PLXNB2: variants seen among roughly 807,000 people sequenced by gnomAD.
PLXNB2 encodes plexin B2, also known as plexin-B2.
PLXNB2 carries 85 observed loss-of-function variants against 202.6 expected under a neutral mutation model. That is an observed-to-expected ratio of 0.42 (90% CI 0.35 to 0.50). The LOEUF (loss-of-function observed/expected upper bound fraction) is 0.50, where lower values mean the gene tolerates loss of function less well. PLXNB2 is among the 20% of genes least tolerant of loss of function. The pLI is 0.02. For missense variants in PLXNB2, 2,063 were observed against 2,586.2 expected (o/e 0.80, Z 4.39); for synonymous variants, 1,239 against 1,137.6 (o/e 1.09, Z -1.79).
chr22:50,306,585 GC>G (rs2067889254), intron 1 of PLXNB2, among the ~76,000 whole-genome samples: 1 of 141,686 alleles, frequency 7.1e-6, no homozygotes. Context: ...CCAAGCAAGG[GC>G]CGAAGTCAGA....
chr22:50,279,544 G>T (rs1173080367), intron 27 of PLXNB2, 86 bp downstream of exon 27: 44 of 1,332,592 alleles, frequency 3.3e-5, no homozygotes, highest in South Asian at 2.2e-4. Context: ...CCTCTGGCCT[G>T]TGGGTCCCAT....
rs1343879991 is a variant in PLXNB2 at position 50,289,430 on chromosome 22, T to TG, written c.1068+86dup. The TG allele has an allele frequency of 6.9e-7, 1 of 1,456,478 alleles. No homozygotes were observed. Among genetic ancestry groups the TG allele is most frequent in the East Asian group, 2.5e-5 (1 of 40,266 alleles). 90.2% of individuals were successfully genotyped at this position (1,456,478 alleles called of 1,614,324 possible). A position where few individuals can be genotyped will look rare whatever the true frequency, so the allele number is the denominator to read the frequency against. On this transcript the variant is annotated intron_variant, in intron 3 of 36. Transcript: ENST00000359337. This position sits in a 1 kb window ranked among gnomAD's most constrained non-coding sequence, Gnocchi z 8.0. ...GAGAGCCACGGCCACACTGCTCACG[T>TG]GCACCCTCCCCAGCAGGCTGGGACA... is the stretch of plus-strand genomic sequence containing the variant.
At chr22:50,303,452 G>C (rs1209755006) in intron 1 of PLXNB2, among the ~76,000 whole-genome samples, 1 of 152,160 alleles carries the variant, frequency 6.6e-6, no homozygotes, top group Non-Finnish European at 1.5e-5. Context: ...GCTGGCTCGG[G>C]GGCCCCAGAC....
At chr22:50,302,837 G>A (rs1235522047) in intron 1 of PLXNB2, among the ~76,000 whole-genome samples, 2 of 152,006 alleles carry the variant, frequency 1.3e-5, no homozygotes, top group African/African-American at 2.4e-5. Context: ...GTGTCAAGCC[G>A]GTAAGGCTGG....
At position 50,279,627 on chromosome 22, in the gene PLXNB2, C is replaced by T. The variant is rs2065851480; in HGVS notation, c.4389+3G>A. 1.6e-5 allele frequency: 26 copies of T among 1,613,494 alleles called. No homozygotes were observed. The highest frequency in any genetic ancestry group is 2.1e-5 in the Non-Finnish European group (25 of 1,179,830). ...CATGGCGGCCCCCACCCCAGAAGCT[C>T]ACCAGGGGTGCGTACTCCACATCAT... On this transcript the variant is annotated splice_donor_region_variant and intron_variant, in intron 27 of 36. Coordinates refer to ENST00000359337, the MANE Select transcript of PLXNB2 (RefSeq NM_012401.4).
intron 7 of PLXNB2, 89 bp downstream of exon 7, chr22:50,287,578 C>T (rs2066550727): frequency 7.7e-7 from 1 of 1,306,344 alleles, no homozygotes; most frequent in Admixed American, 2.4e-5. Flanking sequence ...GGAGCCCTCC[C>T]CTGCCTGTCC....
At chr22:50,279,083 T>C (rs1375379112) in intron 27 of PLXNB2, 72 bp from the exon 28 acceptor site, 91 of 1,462,564 alleles carry the variant, frequency 6.2e-5, no homozygotes, top group Non-Finnish European at 8.1e-5. Flanking sequence ...AGCCACTCCC[T>C]GCCCCGCCAG....
At chr22:50,279,930 A>G (rs1360724511) in intron 26 of PLXNB2, 75 bp downstream of exon 26, 1 of 1,416,868 alleles carries the variant, frequency 7.1e-7, no homozygotes, top group Non-Finnish European at 9.8e-7. Flanking sequence ...TGCCGTACAG[A>G]TAGGGGAACG....
At position 50,302,898 on chromosome 22, in the gene PLXNB2, C is replaced by G. The variant is rs138732451; in HGVS notation, c.-74+4655G>C. On this transcript the variant is annotated intron_variant, in intron 1 of 36. Transcript: ENST00000359337. ...CTCAGCAGTGTTCTGTGCCCTCCAT[C>G]TCCTCCAAAGCAGGCCCCAGCTCTG... Among the ~76,000 whole-genome samples, 1,300 of 152,274 alleles carry G rather than the reference C, an allele frequency of 8.5e-3. 25 individuals carry two copies. The highest frequency in any genetic ancestry group is 0.03 in the African/African-American group (1,226 of 41,554).
At chr22:50,285,512 C>T (rs377497299) in intron 11 of PLXNB2, among the ~76,000 whole-genome samples, 6 of 12,426 alleles carry the variant, frequency 4.8e-4, no homozygotes, top group East Asian at 6.3e-3. Flanking sequence ...CCTCCCTCCG[C>T]ACCTGAGCCT....
intron 1 of PLXNB2, among the ~76,000 whole-genome samples, chr22:50,303,621 T>C (rs1182130673): frequency 2.0e-5 from 3 of 152,232 alleles, no homozygotes; most frequent in African/African-American, 7.2e-5. Context: ...CACTTCTCTC[T>C]CTTGCGCTTG....
At chr22:50,283,294 C>G (rs187268347) in intron 16 of PLXNB2, 43 bp downstream of exon 16, 1 of 1,608,004 alleles carries the variant, frequency 6.2e-7, no homozygotes, top group South Asian at 1.1e-5. Flanking sequence ...CCCCTCCTCC[C>G]GGTCCTCCCG....
At chr22:50,296,102 A>C (rs2067240900) in intron 1 of PLXNB2, among the ~76,000 whole-genome samples, 2 of 151,902 alleles carry the variant, frequency 1.3e-5, no homozygotes, top group Admixed American at 6.6e-5. Context: ...ACTCCGTCTC[A>C]AAAAAAGAAA....
intron 1 of PLXNB2, among the ~76,000 whole-genome samples, chr22:50,304,142 C>T (rs1034151922): frequency 2.0e-5 from 3 of 152,156 alleles, no homozygotes; most frequent in Non-Finnish European, 4.4e-5. Flanking sequence ...AACAGAACCC[C>T]CAGCTCCACA....
At position 50,289,513 on chromosome 22, in the gene PLXNB2, A is replaced by G; in HGVS notation, c.1068+4T>C. The G allele has an allele frequency of 6.2e-7, 1 of 1,605,354 alleles. No homozygotes were observed. The highest frequency in any genetic ancestry group is 8.5e-7 in the Non-Finnish European group (1 of 1,176,102). ...GCCCTGCGAGAACACACTGAGGCCC[A>G]TACCGGCGCGTGGCCGCCGCACTGG... is the stretch of plus-strand genomic sequence containing the variant. On this transcript the variant is annotated splice_donor_region_variant and intron_variant, in intron 3 of 36. Transcript: ENST00000359337. This position sits in a 1 kb window ranked among gnomAD's most constrained non-coding sequence, Gnocchi z 8.0.
At position 50,297,031 on chromosome 22, in the gene PLXNB2, CT is replaced by C. The variant is rs1452673352; in HGVS notation, c.-73-2254del. ...CTTTCGACCTGAGACTCAACAGCAC[CT>C]TTGTGAAAAGGGCAAAAGGCTGCTC... On this transcript the variant is annotated intron_variant, in intron 1 of 36. Transcript: ENST00000359337. The surrounding 1 kb of genome is among the most constrained non-coding windows in gnomAD (Gnocchi z 5.3). Among the ~76,000 whole-genome samples the C allele has an allele frequency of 6.6e-6, 1 of 152,192 alleles. No homozygotes were observed. Among genetic ancestry groups the C allele is most frequent in the Admixed American group, 6.5e-5 (1 of 15,284 alleles).
intron 1 of PLXNB2, among the ~76,000 whole-genome samples, chr22:50,306,685 CCTCACCCT>C (rs2067895032): frequency 3.1e-5 from 1 of 32,022 alleles, no homozygotes; most frequent in South Asian, 7.8e-4. Context: ...TGGGGCCCAC[CCTCACCCT>C]CACCCTCACC....
chr22:50,288,536 G>A lies in PLXNB2; in HGVS notation c.1380+207C>T, dbSNP rs2066635456. On this transcript the variant is annotated intron_variant, in intron 5 of 36. Coordinates refer to ENST00000359337, the MANE Select transcript of PLXNB2 (RefSeq NM_012401.4). This position sits in a 1 kb window ranked among gnomAD's most constrained non-coding sequence, Gnocchi z 5.0. ...AGACCACAAAGGACAAACAGAAGGA[G>A]CGGCAGAGACGGGGCAGTGCTAGAG... is the stretch of plus-strand genomic sequence containing the variant. Among the ~76,000 whole-genome samples the A allele has an allele frequency of 1.3e-5, 2 of 152,038 alleles. No homozygotes were observed. The highest frequency in any genetic ancestry group is 4.8e-5 in the African/African-American group (2 of 41,388).
Position 50,286,224 on chromosome 22 carries a change from T to G in PLXNB2, c.1826A>C (p.Gln609Pro). 1.2e-6 allele frequency: 2 copies of G among 1,613,266 alleles called. No homozygotes were observed. The highest frequency in any genetic ancestry group is 8.5e-7 in the Non-Finnish European group (1 of 1,179,912). The stretch of plus-strand genomic sequence containing the variant: ...CTGGCGGCAGTCGTAGAAGGGGTAC[T>G]GGTAGGACGTGAGGAAGATGTTGCC... ...RRGNIFLTSY[Q>P]YPFYDCRQAM... The change falls in exon 9 of 37, where the codon CAG becomes CCG. Residue 609 changes from glutamine (Q) to proline (P), a missense_variant. Gln to Pro is a moderately conservative substitution (Grantham distance 76, BLOSUM62 -1). Coordinates refer to ENST00000359337, the MANE Select transcript of PLXNB2 (RefSeq NM_012401.4).
Sources: gnomAD v4.1 joint callset for allele counts (sites outside exome capture counted in the v4.1 genomes callset) on GRCh38, gnomAD v4.1.1 for gene constraint, Gnocchi (gnomAD v3.1) non-coding constraint, MANE v1.5 for transcripts, NCBI Gene and HGNC (gene_info 2026-07-23, HGNC 2026-07-21) for gene names.